The following PTPRO variants were observed in gnomAD, a reference collection of about 807,000 sequenced individuals.
PTPRO encodes protein tyrosine phosphatase receptor type O.
Under a neutral mutation model 145.2 loss-of-function variants are expected in PTPRO, and 62 were observed. The ratio of observed to expected loss-of-function variants is 0.43; its 90% CI spans 0.35 to 0.53. The LOEUF is 0.53. Among genes scored for constraint, PTPRO ranks in the 20% least tolerant of loss-of-function variants. The probability of loss-of-function intolerance (pLI) is 0.01; values close to 1 mark genes in which losing one functional copy is unlikely to be tolerated. For missense variants in PTPRO, 1,345 were observed against 1,482.7 expected, an observed-to-expected ratio of 0.91 and a Z score of 1.53; for synonymous variants, 565 against 514.7, an observed-to-expected ratio of 1.10 and a Z score of -1.32.
chr12:15,367,031 A>G (rs1237728496), intron 1 of PTPRO, among the ~76,000 whole-genome samples: 8 of 152,202 alleles, frequency 5.3e-5, no homozygotes, highest in Non-Finnish European at 1.2e-4. Flanking sequence ...GATAAACACT[A>G]TTGCAGTAAA....
intron 1 of PTPRO, among the ~76,000 whole-genome samples, chr12:15,379,032 A>T (rs1275837889): frequency 6.6e-6 from 1 of 152,188 alleles, no homozygotes; most frequent in Admixed American, 6.5e-5. Context: ...GACAATTAAA[A>T]GCCCTGGTAA....
chr12:15,413,749 A>T (rs1026170888), intron 1 of PTPRO, among the ~76,000 whole-genome samples: 1 of 152,144 alleles, frequency 6.6e-6, no homozygotes, highest in Non-Finnish European at 1.5e-5. Context: ...TGAGAGGCGG[A>T]GGTTGCAGCG....
chr12:15,579,049 C>T (rs913728994), intron 20 of PTPRO, 106 bp downstream of exon 20: 41 of 990,418 alleles, frequency 4.1e-5, no homozygotes, highest in African/African-American at 6.4e-5. Flanking sequence ...ACTTGTGGTC[C>T]GGATCTCAAG....
At chr12:15,530,980 CTG>C (rs1942951353) in intron 12 of PTPRO, among the ~76,000 whole-genome samples, 1 of 151,668 alleles carries the variant, frequency 6.6e-6, no homozygotes, top group South Asian at 2.1e-4. Flanking sequence ...TTTAACTAGA[CTG>C]AGAAAAAAAG....
Position 15,347,288 on chromosome 12 carries a change from G to A in PTPRO, c.75+24487G>A, listed in dbSNP as rs562572826. Reference sequence around the variant, plus strand: ...GAAACCATCCCAGCCTCACTCAAGTGTAGTTGATTCTTTTCCTTCTTAATA... The same window carrying A: ...GAAACCATCCCAGCCTCACTCAAGTATAGTTGATTCTTTTCCTTCTTAATA... On this transcript the variant is annotated intron_variant, in intron 1 of 26. Transcript: ENST00000281171. Among the ~76,000 whole-genome samples the A allele has an allele frequency of 3.3e-5, 5 of 152,250 alleles. No homozygotes were observed. The South Asian group carries it at 1.0e-3, about 32-fold the overall frequency.
chr12:15,491,382 A>C (rs1941996666), intron 2 of PTPRO, among the ~76,000 whole-genome samples: 1 of 152,178 alleles, frequency 6.6e-6, no homozygotes, highest in Non-Finnish European at 1.5e-5. Context: ...ATACATAGCT[A>C]CTTTTGTTTT....
chr12:15,573,033 C>T (rs1319591516), intron 19 of PTPRO, among the ~76,000 whole-genome samples: 3 of 152,046 alleles, frequency 2.0e-5, no homozygotes, highest in East Asian at 3.9e-4. Flanking sequence ...AGCTTTATAA[C>T]CCATGTGTAT....
At chr12:15,391,404 TTGGC>T (rs1379217237) in intron 1 of PTPRO, among the ~76,000 whole-genome samples, 5 of 152,208 alleles carry the variant, frequency 3.3e-5, no homozygotes, top group Non-Finnish European at 7.3e-5. Flanking sequence ...TTGTAACACT[TTGGC>T]TGGCCTAGGG....
chr12:15,450,090 T>A (rs7976706), intron 1 of PTPRO, among the ~76,000 whole-genome samples: 2 of 152,140 alleles, frequency 1.3e-5, no homozygotes, highest in African/African-American at 4.8e-5. Context: ...ACATCTATGT[T>A]CATGTCTTAT....
At chr12:15,381,713 A>G (rs1026331553) in intron 1 of PTPRO, among the ~76,000 whole-genome samples, 1 of 152,150 alleles carries the variant, frequency 6.6e-6, no homozygotes, top group African/African-American at 2.4e-5. Context: ...TTGCTAACAT[A>G]TGTACTTGCT....
intron 16 of PTPRO, 36 bp downstream of exon 16, chr12:15,557,559 T>C (rs1471082794): frequency 1.3e-6 from 2 of 1,570,674 alleles, no homozygotes; most frequent in Non-Finnish European, 1.8e-6. Flanking sequence ...CTACATAGTT[T>C]AACTATGCTG....
chr12:15,504,205 G>A, intron 6 of PTPRO, 136 bp downstream of exon 6: 1 of 958,028 alleles, frequency 1.0e-6, no homozygotes, highest in Non-Finnish European at 1.6e-6. Context: ...GAGAGGCTGA[G>A]ATCCACAAGC....
intron 1 of PTPRO, among the ~76,000 whole-genome samples, chr12:15,356,308 A>G (rs1488865708): frequency 1.3e-5 from 2 of 152,156 alleles, no homozygotes; most frequent in African/African-American, 4.8e-5. Context: ...TTTTCTAGAG[A>G]TACCTTTAAG....
intron 12 of PTPRO, among the ~76,000 whole-genome samples, chr12:15,545,316 T>C (rs547226564): frequency 6.6e-6 from 1 of 151,830 alleles, no homozygotes; most frequent in Non-Finnish European, 1.5e-5. Context: ...TGGAGGATGC[T>C]GTTATGTGAA....
chr12:15,531,944 A>G (rs917397542), intron 12 of PTPRO, among the ~76,000 whole-genome samples: 3 of 152,186 alleles, frequency 2.0e-5, no homozygotes, highest in African/African-American at 7.2e-5. Flanking sequence ...CTGTAAGTAA[A>G]GACTAATTCG....
intron 1 of PTPRO, among the ~76,000 whole-genome samples, chr12:15,389,036 A>G (rs896974924): frequency 2.0e-5 from 3 of 151,820 alleles, no homozygotes; most frequent in Non-Finnish European, 2.9e-5. Flanking sequence ...TTTTTTTCCA[A>G]CGTGATTGTG....
In PTPRO at chr12:15,581,765, G is replaced by A; in HGVS notation, c.3219G>A (p.Gln1073=). 1 of 1,614,014 alleles carries A rather than the reference G, an allele frequency of 6.2e-7. No homozygotes were observed. The highest frequency in any genetic ancestry group is 8.5e-7 in the Non-Finnish European group (1 of 1,179,940). ...TGGAGATGATTTCAGAGGAAGAGCA[G>A]GACGACTGGGCCTGTAGACACTTCC... is the stretch of plus-strand genomic sequence containing the variant. ...ITVEMISEEE[Q]DDWACRHFRI... The change falls in exon 23 of 27, where the codon CAG becomes CAA. Residue 1073 remains glutamine (Q), a synonymous_variant. Coordinates refer to ENST00000281171, the MANE Select transcript of PTPRO (RefSeq NM_030667.3).
chr12:15,454,238 T>C (rs1941118490), intron 1 of PTPRO, among the ~76,000 whole-genome samples: 1 of 152,166 alleles, frequency 6.6e-6, no homozygotes. Flanking sequence ...ACCAAACTAT[T>C]ATCTTTTGTG....
intron 15 of PTPRO, among the ~76,000 whole-genome samples, chr12:15,555,745 C>A (rs1943604350): frequency 6.6e-6 from 1 of 152,152 alleles, no homozygotes; most frequent in Non-Finnish European, 1.5e-5. Context: ...ATGCTATGAT[C>A]CTTTTTGGCA....
Sources: gnomAD v4.1 joint callset for allele counts (sites outside exome capture counted in the v4.1 genomes callset) on GRCh38, gnomAD v4.1.1 for gene constraint, MANE v1.5 for transcripts, NCBI Gene and HGNC (gene_info 2026-07-23, HGNC 2026-07-21) for gene names.